The following CACNA1C variants were observed in gnomAD, a reference collection of about 807,000 sequenced individuals.
CACNA1C encodes the protein voltage-dependent L-type calcium channel subunit alpha-1C.
CACNA1C carries 30 observed loss-of-function variants against 229.0 expected under a neutral mutation model. That is an observed-to-expected ratio of 0.13 (90% CI 0.10 to 0.18). The LOEUF (loss-of-function observed/expected upper bound fraction) is 0.18. CACNA1C is among the 10% of genes least tolerant of loss of function. The probability of loss-of-function intolerance (pLI) is 1.00; values close to 1 mark genes in which losing one functional copy is unlikely to be tolerated. For missense variants in CACNA1C, 1,658 were observed against 2,845.0 expected (o/e 0.58, Z 9.49); for synonymous variants, 1,114 against 1,132.5 (o/e 0.98, Z 0.33).
rs140309755 is a variant in CACNA1C, at chr12:2,399,995, C to G, written c.478-48981C>G. On this transcript the variant is annotated intron_variant, in intron 3 of 46. Coordinates refer to ENST00000399655, the MANE Select transcript of CACNA1C (RefSeq NM_000719.7). ...TTTTTAGGAGATTTAGACAGTGAGT[C>G]TTACAACAGCTGTGCCCAGTTTTTA... Among the ~76,000 whole-genome samples, 23 of 152,300 alleles carry G rather than the reference C, an allele frequency of 1.5e-4. No homozygotes were observed. The Middle Eastern group carries it at 0.01, about 68-fold the overall frequency.
Position 2,696,981 on chromosome 12 carries a change from A to G in CACNA1C, c.*5782A>G, listed in dbSNP as rs775736671. Reference sequence around the variant, plus strand: ...TAGCCCCCAACCCCAAGACTTCCCAATATGGAGAAACTACACCAATGTTTA... The same window carrying G: ...TAGCCCCCAACCCCAAGACTTCCCAGTATGGAGAAACTACACCAATGTTTA... On this transcript the variant is annotated 3_prime_UTR_variant, in exon 47 of 47. Coordinates refer to ENST00000399655, the MANE Select transcript of CACNA1C (RefSeq NM_000719.7). The G allele has an allele frequency of 1.8e-4, 28 of 152,392 alleles. No individual in the cohort carries two copies. The highest frequency in any genetic ancestry group is 6.0e-4 in the African/African-American group (25 of 41,448). 9.4% of individuals were successfully genotyped at this position (152,392 alleles called of 1,614,324 possible).
chr12:2,004,507 T>G, intron 1 of CACNA1C: 1 of 1,517,010 alleles, frequency 6.6e-7, no homozygotes, highest in Non-Finnish European at 8.8e-7. Context: ...GCGAGCTGCC[T>G]CGCAACCGAG....
intron 3 of CACNA1C, among the ~76,000 whole-genome samples, chr12:2,395,084 G>A (rs1200274043): frequency 1.3e-5 from 2 of 151,908 alleles, no homozygotes; most frequent in African/African-American, 2.4e-5. Flanking sequence ...TAGTAGCACA[G>A]TCATAGCTCA....
intron 21 of CACNA1C, among the ~76,000 whole-genome samples, chr12:2,598,526 C>T (rs1209984796): frequency 6.6e-6 from 1 of 152,212 alleles, no homozygotes; most frequent in Non-Finnish European, 1.5e-5. Flanking sequence ...AGGACTAAGG[C>T]TCTGAAGCCC....
chr12:2,434,035 T>C (rs1395883580), intron 3 of CACNA1C, among the ~76,000 whole-genome samples: 10 of 152,218 alleles, frequency 6.6e-5, no homozygotes, highest in Non-Finnish European at 1.3e-4. Flanking sequence ...AAAAACGCTA[T>C]GCATACATGG....
At chr12:2,413,683 A>G (rs1196284776) in intron 3 of CACNA1C, among the ~76,000 whole-genome samples, 3 of 152,148 alleles carry the variant, frequency 2.0e-5, no homozygotes, top group Non-Finnish European at 4.4e-5. Context: ...CCGTCCCTCC[A>G]TAACCTCATG....
chr12:2,606,288 C>T (rs772026863), intron 24 of CACNA1C, among the ~76,000 whole-genome samples: 5 of 151,990 alleles, frequency 3.3e-5, no homozygotes, highest in Non-Finnish European at 5.9e-5. Context: ...CATTCGCCCC[C>T]GCTCCCCTCC....
chr12:2,073,920 AGGACCCT>A (rs2062237818), intron 1 of CACNA1C, among the ~76,000 whole-genome samples: 14 of 152,196 alleles, frequency 9.2e-5, no homozygotes, highest in Admixed American at 7.9e-4. Flanking sequence ...CTCTGTTGAA[AGGACCCT>A]GAACCATTGC....
intron 1 of CACNA1C, among the ~76,000 whole-genome samples, chr12:1,999,961 T>C (rs1258848938): frequency 6.6e-6 from 1 of 152,210 alleles, no homozygotes; most frequent in Non-Finnish European, 1.5e-5. Context: ...AAACATTACT[T>C]ATCTTTCTTT....
intron 1 of CACNA1C, among the ~76,000 whole-genome samples, chr12:2,074,664 A>AG (rs1174307579): frequency 1.3e-5 from 2 of 152,170 alleles, no homozygotes; most frequent in African/African-American, 4.8e-5. Flanking sequence ...TCCCTGCTGA[A>AG]GATGTTGCCC....
chr12:2,191,330 T>C (rs1310595103), intron 3 of CACNA1C, among the ~76,000 whole-genome samples: 4 of 152,092 alleles, frequency 2.6e-5, no homozygotes, highest in Non-Finnish European at 5.9e-5. Flanking sequence ...GGTCCTTAGG[T>C]GTCCCAGGTG....
At chr12:2,026,223 G>C (rs554269006) in intron 1 of CACNA1C, among the ~76,000 whole-genome samples, 2 of 152,320 alleles carry the variant, frequency 1.3e-5, no homozygotes, top group South Asian at 4.1e-4. Context: ...AAGGATGGAT[G>C]AATAGAAGAT....
chr12:2,262,269 A>G lies in CACNA1C; in HGVS notation c.477+141839A>G, dbSNP rs577125598. Among the ~76,000 whole-genome samples, 4 of 152,368 alleles carry G rather than the reference A, an allele frequency of 2.6e-5. No individual in the cohort carries two copies. In the East Asian group the frequency reaches 5.8e-4, roughly 22 times the overall value. On this transcript the variant is annotated intron_variant, in intron 3 of 46. Coordinates refer to ENST00000399655, the MANE Select transcript of CACNA1C (RefSeq NM_000719.7). ...CTCCCTTGACCTTTCTGTTGAGTCC[A>G]GAAACCATAGTGCAAGCAGTGGGCT...
At chr12:2,122,133 T>C (rs2087059936) in intron 3 of CACNA1C, among the ~76,000 whole-genome samples, 1 of 152,176 alleles carries the variant, frequency 6.6e-6, no homozygotes, top group Admixed American at 6.5e-5. Context: ...GAGGTCACCC[T>C]GGACTTCTTC....
intron 10 of CACNA1C, among the ~76,000 whole-genome samples, chr12:2,555,760 A>G (rs763537662): frequency 2.0e-4 from 30 of 152,208 alleles, no homozygotes; most frequent in Admixed American, 4.6e-4. Context: ...AGATGTAATT[A>G]TCTCATGCAC....
At chr12:2,353,043 G>C (rs747792067) in intron 3 of CACNA1C, among the ~76,000 whole-genome samples, 3 of 152,202 alleles carry the variant, frequency 2.0e-5, no homozygotes, top group Non-Finnish European at 4.4e-5. Context: ...AGTAATCTTG[G>C]TTGAGCGCTC....
At chr12:2,454,186 T>A (rs1385234076) in intron 4 of CACNA1C, among the ~76,000 whole-genome samples, 1 of 152,182 alleles carries the variant, frequency 6.6e-6, no homozygotes, top group Non-Finnish European at 1.5e-5. Flanking sequence ...GGACAAGGGC[T>A]CTTGGTTCGC....
At chr12:2,625,101 G>A (rs745755574) in intron 29 of CACNA1C, among the ~76,000 whole-genome samples, 33 of 148,846 alleles carry the variant, frequency 2.2e-4, no homozygotes, top group Non-Finnish European at 3.9e-4. Flanking sequence ...CGCTCCCCCC[G>A]CCCCCCATGG....
chr12:2,308,608 A>G (rs1173361566), intron 3 of CACNA1C, among the ~76,000 whole-genome samples: 1 of 152,216 alleles, frequency 6.6e-6, no homozygotes, highest in African/African-American at 2.4e-5. Context: ...GTCTGAAATC[A>G]GGAAGTGTGA....
Sources: gnomAD v4.1 joint callset for allele counts (sites outside exome capture counted in the v4.1 genomes callset) on GRCh38, gnomAD v4.1.1 for gene constraint, MANE v1.5 for transcripts, NCBI Gene and HGNC (gene_info 2026-07-23, HGNC 2026-07-21) for gene names.